The following CPE variants were observed in gnomAD, a reference collection of about 807,000 sequenced individuals.
The protein encoded by CPE is carbocypeptidase E.
In CPE, 17 loss-of-function variants were observed where a neutral mutation model predicts 53.5. That is an observed-to-expected ratio of 0.32 (90% confidence interval 0.22 to 0.48). The LOEUF is 0.48. CPE is among the 20% of genes least tolerant of loss of function. The pLI is 0.99. For missense variants in CPE, 524 were observed against 614.7 expected (o/e 0.85, Z 1.56); for synonymous variants, 226 against 228.8 (o/e 0.99, Z 0.11).
intron 1 of CPE, among the ~76,000 whole-genome samples, chr4:165,416,492 C>T (rs1731125374): frequency 1.3e-5 from 2 of 152,094 alleles, no homozygotes; most frequent in African/African-American, 4.8e-5. Flanking sequence ...TAGGGTAACA[C>T]AGTAGAAATC....
intron 1 of CPE, among the ~76,000 whole-genome samples, chr4:165,429,698 T>C (rs1731377785): frequency 7.5e-6 from 1 of 134,162 alleles, no homozygotes; most frequent in Non-Finnish European, 1.6e-5. Context: ...TGAGACCCTG[T>C]TTAAAAAAAA....
chr4:165,461,166 C>CAAAAAAAAAAAAAAAAAAAAAAA (rs1173022270), intron 1 of CPE, among the ~76,000 whole-genome samples: 34 of 44,196 alleles, frequency 7.7e-4, no homozygotes, highest in African/African-American at 9.4e-4. Context: ...GCCTCTGCCT[C>CAAAAAAAAAAAAAAAAAAAAAAA]AAAAAAAAAA....
At chr4:165,489,685 T>C (rs745869396) in intron 6 of CPE, among the ~76,000 whole-genome samples, 111 of 152,306 alleles carry the variant, frequency 7.3e-4, no homozygotes, top group Admixed American at 1.5e-3. Flanking sequence ...CTCTTAGTTC[T>C]TGAGAAAAAA....
intron 1 of CPE, among the ~76,000 whole-genome samples, chr4:165,457,999 G>A (rs904872551): frequency 6.6e-6 from 1 of 152,110 alleles, no homozygotes; most frequent in Non-Finnish European, 1.5e-5. Context: ...TCTTATTGAC[G>A]AGGTCTAGGA....
chr4:165,473,477 T>C (rs1732242650), intron 3 of CPE, among the ~76,000 whole-genome samples: 1 of 152,234 alleles, frequency 6.6e-6, no homozygotes, highest in Admixed American at 6.5e-5. Context: ...CTGCAGAAGT[T>C]ATCCCCCCTC....
chr4:165,467,870 A>T lies in CPE; in HGVS notation c.672+15A>T, dbSNP rs749025729. The T allele has an allele frequency of 6.2e-7, 1 of 1,612,546 alleles. No homozygotes were observed. Among genetic ancestry groups the T allele is most frequent in the Non-Finnish European group, 8.5e-7 (1 of 1,179,210 alleles). On this transcript the variant is annotated intron_variant, in intron 3 of 8. Coordinates refer to ENST00000402744, the MANE Select transcript of CPE (RefSeq NM_001873.4). Reference sequence around the variant, plus strand: ...AAAACACAAAGGTAGTGACCACGGGATAGTCTTCTTGGGTTCGTCTCTAGC... The same window carrying T: ...AAAACACAAAGGTAGTGACCACGGGTTAGTCTTCTTGGGTTCGTCTCTAGC...
intron 1 of CPE, among the ~76,000 whole-genome samples, chr4:165,380,770 T>G (rs760978718): frequency 3.9e-5 from 6 of 152,184 alleles, no homozygotes; most frequent in Non-Finnish European, 8.8e-5. Context: ...TTTCTTACCT[T>G]CAAATAATAT....
At chr4:165,493,456 G>A (rs527757480) in intron 7 of CPE, among the ~76,000 whole-genome samples, 186 bp downstream of exon 7, 56 of 152,204 alleles carry the variant, frequency 3.7e-4, no homozygotes, top group Non-Finnish European at 7.1e-4. Context: ...TGGAGCCCAG[G>A]GCGGCTGCTG....
At chr4:165,422,089 G>C (rs1203922800) in intron 1 of CPE, among the ~76,000 whole-genome samples, 1 of 152,062 alleles carries the variant, frequency 6.6e-6, no homozygotes, top group Non-Finnish European at 1.5e-5. Context: ...AACTTTTGAA[G>C]TTTATTCAAT....
intron 1 of CPE, among the ~76,000 whole-genome samples, chr4:165,450,884 T>C (rs1157143688): frequency 2.0e-5 from 3 of 152,066 alleles, no homozygotes; most frequent in African/African-American, 7.2e-5. Flanking sequence ...AGCACTCAAG[T>C]TTTTGTTGTT....
intron 1 of CPE, among the ~76,000 whole-genome samples, chr4:165,427,220 C>T (rs1006283553): frequency 6.6e-6 from 1 of 152,182 alleles, no homozygotes; most frequent in Non-Finnish European, 1.5e-5. Flanking sequence ...GTGCCTGCAG[C>T]TTGATTTCTC....
chr4:165,474,497 C>G (rs577593954), intron 3 of CPE, among the ~76,000 whole-genome samples: 27 of 152,306 alleles, frequency 1.8e-4, no homozygotes, highest in Middle Eastern at 6.8e-3. Context: ...TCCCCTCTTA[C>G]TTTCCTGTTA....
chr4:165,436,645 A>C lies in CPE; in HGVS notation c.308-27745A>C, dbSNP rs570462593. Among the ~76,000 whole-genome samples the C allele has an allele frequency of 7.2e-5, 11 of 152,298 alleles. No homozygotes were observed. The East Asian group carries it at 2.1e-3, about 29-fold the overall frequency. On this transcript the variant is annotated intron_variant, in intron 1 of 8. Coordinates refer to ENST00000402744, the MANE Select transcript of CPE (RefSeq NM_001873.4). ...ATTCCAAAAACTTTTTGGAAGAATC[A>C]TTTCTGGATCATCTTAGACAGAAAA...
intron 1 of CPE, among the ~76,000 whole-genome samples, chr4:165,431,156 C>G (rs1281104739): frequency 1.3e-5 from 2 of 152,170 alleles, no homozygotes; most frequent in Non-Finnish European, 2.9e-5. Context: ...GGTTCAGGAG[C>G]TGTGTGGTTT....
intron 3 of CPE, among the ~76,000 whole-genome samples, chr4:165,471,433 T>C (rs149267068): frequency 2.6e-5 from 4 of 152,296 alleles, no homozygotes; most frequent in African/African-American, 7.2e-5. Flanking sequence ...CTCTCTCCAG[T>C]CCTCATTTTT....
Position 165,379,217 on chromosome 4 carries a change from C to A in CPE, c.-5C>A. 8.1e-7 allele frequency: 1 copy of A among 1,229,054 alleles called. No homozygotes were observed. Among genetic ancestry groups the A allele is most frequent in the Non-Finnish European group, 1.0e-6 (1 of 988,146 alleles). The allele number at this position is 1,229,054 out of a possible 1,614,324, so 76.1% of individuals were successfully genotyped here. A position where few individuals can be genotyped will look rare whatever the true frequency, so the allele number is the denominator to read the frequency against. On this transcript the variant is annotated 5_prime_UTR_variant, in exon 1 of 9. Transcript: ENST00000402744. This position sits in a 1 kb window ranked among gnomAD's most constrained non-coding sequence, Gnocchi z 6.0. ...AGGCACGGCCGGCGGCGGCGGAGCGCAGCGATGGCCGGGCGAGGGGGCAGC... is the reference window on the plus strand; with the variant it reads ...AGGCACGGCCGGCGGCGGCGGAGCGAAGCGATGGCCGGGCGAGGGGGCAGC...
intron 1 of CPE, among the ~76,000 whole-genome samples, chr4:165,444,637 A>G (rs78844752): frequency 0.011 from 1,662 of 152,266 alleles, 37 homozygotes; most frequent in African/African-American, 0.037. Context: ...CGTTCTTCAT[A>G]TGCTTGTCAA....
chr4:165,409,447 G>A (rs929715061), intron 1 of CPE, among the ~76,000 whole-genome samples: 9 of 152,038 alleles, frequency 5.9e-5, no homozygotes, highest in East Asian at 1.9e-4. Context: ...CAAGTGATCC[G>A]CCCGCCTCAG....
Position 165,484,598 on chromosome 4 carries a change from C to T in CPE, c.967C>T (p.Pro323Ser), listed in dbSNP as rs1732473397. Residue 323 changes from proline to serine, a missense_variant, in exon 5 of 9, where the codon CCT becomes TCT. Transcript: ENST00000402744. The stretch of plus-strand genomic sequence containing the variant: ...CAACGGTGGTGCTTGGTACAGCGTA[C>T]CTGGAGGTGAGTTTCCATTGTGCTC... ...TTNGGAWYSVPGGMQDFNYLS... is the reference protein window; with the variant it reads ...TTNGGAWYSVSGGMQDFNYLS... 6 of 1,613,218 alleles carry T rather than the reference C, an allele frequency of 3.7e-6. No individual in the cohort carries two copies. The highest frequency in any genetic ancestry group is 5.1e-6 in the Non-Finnish European group (6 of 1,179,546).
Sources: allele counts gnomAD v4.1 joint callset (sites outside exome capture counted in the v4.1 genomes callset), GRCh38; gene constraint gnomAD v4.1.1; non-coding constraint Gnocchi (gnomAD v3.1); transcripts MANE v1.5; gene names NCBI Gene and HGNC (gene_info 2026-07-23, HGNC 2026-07-21).